Variants in ADAMTSL1 observed in about 807,000 individuals in gnomAD.
The protein encoded by ADAMTSL1 is ADAMTS-like protein 1.
ADAMTSL1 carries 126 observed loss-of-function variants against 201.8 expected under a neutral mutation model. That is an observed-to-expected ratio of 0.62 (90% CI 0.54 to 0.72). The LOEUF is 0.72. ADAMTSL1 is among the 30% of genes least tolerant of loss of function. ADAMTSL1 has a pLI of 0.00. For synonymous variants in ADAMTSL1, 1,121 were observed against 903.4 expected (o/e 1.24, Z -4.32); for missense variants, 2,679 against 2,277.8 (o/e 1.18, Z -3.59).
At chr9:17,997,415 A>C (rs1348407595) in intron 1 of ADAMTSL1, among the ~76,000 whole-genome samples, 1 of 152,094 alleles carries the variant, frequency 6.6e-6, no homozygotes, top group Admixed American at 6.6e-5. Flanking sequence ...AAGGGAATAC[A>C]CATGTATCAT....
intron 1 of ADAMTSL1, among the ~76,000 whole-genome samples, chr9:18,099,297 T>C (rs1259207010): frequency 7.2e-6 from 1 of 139,506 alleles, no homozygotes; most frequent in Non-Finnish European, 1.5e-5. Context: ...AGTAAGTCAC[T>C]GGCTGTTTTT....
chr9:18,553,029 A>G (rs144322176), intron 3 of ADAMTSL1, among the ~76,000 whole-genome samples: 41 of 151,628 alleles, frequency 2.7e-4, no homozygotes, highest in Non-Finnish European at 4.9e-4. Flanking sequence ...ATTTATGGAT[A>G]TTTAATGTAA....
intron 4 of ADAMTSL1, among the ~76,000 whole-genome samples, chr9:18,600,638 T>C (rs1175372896): frequency 6.6e-6 from 1 of 152,162 alleles, no homozygotes; most frequent in Non-Finnish European, 1.5e-5. Flanking sequence ...TGCTTTCATC[T>C]CATCTAGCTC....
At chr9:18,085,835 C>G (rs1563991243) in intron 1 of ADAMTSL1, among the ~76,000 whole-genome samples, 3 of 151,744 alleles carry the variant, frequency 2.0e-5, no homozygotes, top group South Asian at 2.1e-4. Flanking sequence ...AAGTCTCACT[C>G]TGGCTGCTGT....
intron 1 of ADAMTSL1, among the ~76,000 whole-genome samples, chr9:18,491,269 A>G (rs1483133444): frequency 6.6e-6 from 1 of 152,170 alleles, no homozygotes; most frequent in East Asian, 1.9e-4. Context: ...TGTGGCCAAG[A>G]TCCATTTTAA....
intron 4 of ADAMTSL1, among the ~76,000 whole-genome samples, chr9:18,615,340 A>AC (rs1414277735): frequency 6.6e-5 from 10 of 152,308 alleles, no homozygotes; most frequent in Non-Finnish European, 1.2e-4. Context: ...GTAGGAGGTG[A>AC]CCGCAGGTGT....
intron 23 of ADAMTSL1, among the ~76,000 whole-genome samples, chr9:18,865,454 G>T (rs7875489): frequency 6.6e-6 from 1 of 151,832 alleles, no homozygotes; most frequent in Admixed American, 6.5e-5. Context: ...TGGACATTTG[G>T]GTTGGTTCCA....
chr9:17,949,965 C>A (rs1227406980), intron 1 of ADAMTSL1, among the ~76,000 whole-genome samples: 2 of 152,072 alleles, frequency 1.3e-5, no homozygotes, highest in Non-Finnish European at 2.9e-5. Flanking sequence ...GTCACCCAGG[C>A]TGGAGTGCAA....
chr9:18,369,666 A>T (rs905902432), intron 2 of ADAMTSL1, among the ~76,000 whole-genome samples: 3 of 152,238 alleles, frequency 2.0e-5, no homozygotes, highest in African/African-American at 7.2e-5. Flanking sequence ...TATCAAAAAG[A>T]TACAATATTG....
chr9:18,684,749 T>A lies in ADAMTSL1; in HGVS notation c.1523T>A (p.Phe508Tyr), dbSNP rs1379214552. The stretch of plus-strand genomic sequence containing the variant: ...CCAGTCGAGGCCAAGTTGCCATGGT[T>A]CAAACAAGCTCAAGAGCTAGAAGAA... The part of the protein sequence containing the change: ...KLPVEAKLPW[F>Y]KQAQELEEGA... Residue 508 changes from phenylalanine (F) to tyrosine (Y), a missense_variant, in exon 13 of 29, where the codon TTC becomes TAC. Physicochemically the swap from Phe to Tyr is conservative, Grantham distance 22 (BLOSUM62 3). Transcript: ENST00000380548. The A allele has an allele frequency of 1.9e-6, 3 of 1,613,006 alleles. No homozygotes were observed. Among genetic ancestry groups the A allele is most frequent in the East Asian group, 4.5e-5 (2 of 44,886 alleles).
chr9:18,119,369 T>A (rs1360287431), intron 1 of ADAMTSL1, among the ~76,000 whole-genome samples: 2 of 152,216 alleles, frequency 1.3e-5, no homozygotes, highest in Non-Finnish European at 1.5e-5. Context: ...CTCGGCTTAC[T>A]GCAAACTCCG....
intron 1 of ADAMTSL1, among the ~76,000 whole-genome samples, chr9:18,050,948 C>T (rs1239425064): frequency 1.3e-5 from 2 of 152,208 alleles, no homozygotes; most frequent in African/African-American, 4.8e-5. Flanking sequence ...TGCTACTTTA[C>T]ACCAGTGCAA....
intron 2 of ADAMTSL1, among the ~76,000 whole-genome samples, chr9:18,280,130 C>T (rs1587457803): frequency 6.6e-6 from 1 of 152,006 alleles, no homozygotes; most frequent in Non-Finnish European, 1.5e-5. Context: ...TCCATGGGAC[C>T]TGGCTAGGTA....
At chr9:18,771,705 C>CTTTTTTTTTTT (rs374268861) in intron 17 of ADAMTSL1, among the ~76,000 whole-genome samples, 1 of 91,756 alleles carries the variant, frequency 1.1e-5, no homozygotes, top group Non-Finnish European at 2.0e-5. Context: ...ACCCCAGTGC[C>CTTTTTTTTTTT]TTTTTTTTTT....
chr9:18,734,077 C>T (rs2133499829), intron 15 of ADAMTSL1, among the ~76,000 whole-genome samples: 2 of 152,250 alleles, frequency 1.3e-5, no homozygotes, highest in Middle Eastern at 6.8e-3. Flanking sequence ...AGTATGCTGC[C>T]TCTTTGGCCT....
At chr9:18,170,718 T>C (rs1827852166) in intron 2 of ADAMTSL1, among the ~76,000 whole-genome samples, 1 of 152,040 alleles carries the variant, frequency 6.6e-6, no homozygotes, top group Non-Finnish European at 1.5e-5. Flanking sequence ...TTGTTTGAGA[T>C]AGTAAACTAC....
intron 2 of ADAMTSL1, among the ~76,000 whole-genome samples, chr9:18,165,826 T>C (rs906093759): frequency 6.6e-6 from 1 of 151,976 alleles, no homozygotes; most frequent in Admixed American, 6.6e-5. Flanking sequence ...TTTGAAAGTG[T>C]AACTTTATTT....
chr9:18,419,357 G>A (rs909339589), intron 2 of ADAMTSL1, among the ~76,000 whole-genome samples: 2 of 151,398 alleles, frequency 1.3e-5, no homozygotes, highest in Admixed American at 6.6e-5. Flanking sequence ...ATCTTAATCA[G>A]AACTATTAAT....
rs1563837371 is a variant in ADAMTSL1, at chr9:18,829,925, G to GTC, written c.4200_4201dup (p.Pro1401LeufsTer44). ...GACCGAACCTTCCTTCAGTGCTGACGTCTCCTCTGGGAACACAGCTGGTCC... is the reference window on the plus strand; with the variant it reads ...GACCGAACCTTCCTTCAGTGCTGACGTCTCTCCTCTGGGAACACAGCTGGTCC... On this transcript the variant is annotated frameshift_variant, in exon 23 of 29. Coordinates refer to ENST00000380548, the MANE Select transcript of ADAMTSL1 (RefSeq NM_001040272.6). LOFTEE classifies it high-confidence loss of function. 1 of 1,613,818 alleles carries GTC rather than the reference G, an allele frequency of 6.2e-7. No individual in the cohort carries two copies.
Sources: allele counts gnomAD v4.1 joint callset (sites outside exome capture counted in the v4.1 genomes callset), GRCh38; gene constraint gnomAD v4.1.1; transcripts MANE v1.5; gene names NCBI Gene and HGNC (gene_info 2026-07-23, HGNC 2026-07-21).